Variants in KMT2B observed in about 807,000 individuals in gnomAD.
The protein encoded by KMT2B is histone-lysine N-methyltransferase 2B.
A neutral mutation model predicts 255.3 loss-of-function variants in KMT2B; 22 were observed. The observed-to-expected ratio is 0.09, with a 90% confidence interval of 0.06 to 0.12. The LOEUF (loss-of-function observed/expected upper bound fraction) is 0.12, where lower values mean the gene tolerates loss of function less well. Among genes scored for constraint, KMT2B ranks in the 10% least tolerant of loss-of-function variants. The probability of loss-of-function intolerance (pLI) is 1.00; values close to 1 mark genes in which losing one functional copy is unlikely to be tolerated. For synonymous variants in KMT2B, 1,730 were observed against 1,498.1 expected, an observed-to-expected ratio of 1.15 and a Z score of -3.57; for missense variants, 3,149 against 3,737.0, an observed-to-expected ratio of 0.84 and a Z score of 4.10.
In KMT2B at chr19:35,729,058, C is replaced by T. The variant is rs529292240; in HGVS notation, c.4761C>T (p.Tyr1587=). ...GTCAGTGTGCACTCTGCCTCAAATACGGGGATGCAGACTCCAAGGTGAGGG... is the reference window on the plus strand; with the variant it reads ...GTCAGTGTGCACTCTGCCTCAAATATGGGGATGCAGACTCCAAGGTGAGGG... ...DPRQCALCLK[Y]GDADSKEAGR... The change falls in exon 21 of 37, where the codon TAC becomes TAT. Residue 1587 remains tyrosine (Y), a synonymous_variant. Transcript: ENST00000420124. The T allele has an allele frequency of 3.7e-5, 60 of 1,614,010 alleles. No homozygotes were observed. Among genetic ancestry groups the T allele is most frequent in the African/African-American group, 3.2e-4 (24 of 75,042 alleles).
At chr19:35,730,256 A>C in intron 23 of KMT2B, 86 bp from the exon 24 acceptor site, 1 of 1,597,880 alleles carries the variant, frequency 6.3e-7, no homozygotes, top group South Asian at 1.1e-5. Context: ...AGAGGCCTTT[A>C]GGCCAAGCCC....
chr19:35,718,060 C>T lies in KMT2B; in HGVS notation c.42C>T (p.Gly14=), dbSNP rs1969021910. The change falls in exon 1 of 37, where the codon GGC becomes GGT. Residue 14 remains glycine (G), a synonymous_variant. Coordinates refer to ENST00000420124, the MANE Select transcript of KMT2B (RefSeq NM_014727.3). This position sits in a 1 kb window ranked among gnomAD's most constrained non-coding sequence, Gnocchi z 5.0. Reference sequence around the variant, plus strand: ...GCGGCGGCAGTTGCCCCGGGCCTGGCTCCGCGCGGGGCCGCTTCCCGGGCC... The same window carrying T: ...GCGGCGGCAGTTGCCCCGGGCCTGGTTCCGCGCGGGGCCGCTTCCCGGGCC... The part of the protein sequence containing the change: ...AAGGGSCPGP[G]SARGRFPGRP... 3 of 986,930 alleles carry T rather than the reference C, an allele frequency of 3.0e-6. No homozygotes were observed. The highest frequency in any genetic ancestry group is 3.5e-5 in the African/African-American group (2 of 56,758). 61.1% of individuals were successfully genotyped at this position (986,930 alleles called of 1,614,324 possible).
At position 35,729,843 on chromosome 19, in the gene KMT2B, CTGCG is replaced by C. The variant is rs1969621589; in HGVS notation, c.4918-123_4918-120del. 18 of 928,058 alleles carry C rather than the reference CTGCG, an allele frequency of 1.9e-5. No individual in the cohort carries two copies. In the East Asian group the frequency reaches 4.8e-4, roughly 25 times the overall value. The allele number at this position is 928,058 out of a possible 1,614,324, so 57.5% of individuals were successfully genotyped here. On this transcript the variant is annotated intron_variant, in intron 22 of 36. Coordinates refer to ENST00000420124, the MANE Select transcript of KMT2B (RefSeq NM_014727.3). ...GGGCCTGGATGCGGCTGGGGAGAGG[CTGCG>C]CCTAGGGAGAGCCTTTGCCGTGCCA...
Position 35,722,413 on chromosome 19 carries a change from G to A in KMT2B, c.2512G>A (p.Asp838Asn), listed in dbSNP as rs768038025. The part of the protein sequence containing the change: ...EVAGAVKQIS[D>N]RGPVRSEDES... ...GGCCGGGGCTGTCAAGCAGATCTCC[G>A]ACAGAGGCCCTGTCCGGTCTGAAGA... Residue 838 changes from aspartate (D) to asparagine (N), a missense_variant, in exon 4 of 37, where the codon GAC becomes AAC. Physicochemically the swap from Asp to Asn is conservative, Grantham distance 23. This residue lies in a region of KMT2B where 1,188 missense variants were observed against 1,106.4 expected (regional missense o/e 1.07). Coordinates refer to ENST00000420124, the MANE Select transcript of KMT2B (RefSeq NM_014727.3). The A allele has an allele frequency of 8.1e-6, 13 of 1,610,852 alleles. No homozygotes were observed. Among genetic ancestry groups the A allele is most frequent in the South Asian group, 4.4e-5 (4 of 91,052 alleles).
chr19:35,718,479 C>T lies in KMT2B; in HGVS notation c.363+98C>T. On this transcript the variant is annotated intron_variant, in intron 1 of 36. Coordinates refer to ENST00000420124, the MANE Select transcript of KMT2B (RefSeq NM_014727.3). This position sits in a 1 kb window ranked among gnomAD's most constrained non-coding sequence, Gnocchi z 5.0. ...GGGGGCGGCGTGGGCAGGCCGGGTC[C>T]TCAGGGTTCCTTCGGAGAGACGGGG... The T allele has an allele frequency of 1.7e-6, 2 of 1,175,766 alleles. No homozygotes were observed. Among genetic ancestry groups the T allele is most frequent in the Non-Finnish European group, 1.1e-6 (1 of 942,514 alleles). 72.8% of individuals were successfully genotyped at this position (1,175,766 alleles called of 1,614,324 possible). A position where few individuals can be genotyped will look rare whatever the true frequency, so the allele number is the denominator to read the frequency against.
At position 35,726,226 on chromosome 19, in the gene KMT2B, G is replaced by T. The variant is rs1969436361; in HGVS notation, c.3886-10G>T. 1.2e-6 allele frequency: 2 copies of T among 1,608,858 alleles called. No homozygotes were observed. The highest frequency in any genetic ancestry group is 1.7e-6 in the Non-Finnish European group (2 of 1,175,738). On this transcript the variant is annotated splice_polypyrimidine_tract_variant and intron_variant, in intron 13 of 36. Transcript: ENST00000420124. The stretch of plus-strand genomic sequence containing the variant: ...CCTGGTTTTCCCCTAACATCGCCCT[G>T]CTCCCCCAGATCTGTTCAGCCTGTG...
chr19:35,721,402 T>C lies in KMT2B; in HGVS notation c.2055T>C (p.Asp685=). The change falls in exon 3 of 37, where the codon GAT becomes GAC. Residue 685 remains aspartate (D), a synonymous_variant. Transcript: ENST00000420124. ...EAPEPEPPPA[D]DSPAEPEPRA... Reference sequence around the variant, plus strand: ...CTGAGCCAGAGCCTCCTCCTGCCGATGACTCTCCAGCTGAGCCTGAGCCTC... The same window carrying C: ...CTGAGCCAGAGCCTCCTCCTGCCGACGACTCTCCAGCTGAGCCTGAGCCTC... 1 of 1,610,426 alleles carries C rather than the reference T, an allele frequency of 6.2e-7. No homozygotes were observed. Among genetic ancestry groups the C allele is most frequent in the Non-Finnish European group, 8.5e-7 (1 of 1,178,964 alleles).
In KMT2B at chr19:35,718,428, G is replaced by A. The variant is rs748844486; in HGVS notation, c.363+47G>A. 4.1e-6 allele frequency: 5 copies of A among 1,227,272 alleles called. No homozygotes were observed. 76.0% of individuals were successfully genotyped at this position (1,227,272 alleles called of 1,614,324 possible). On this transcript the variant is annotated intron_variant, in intron 1 of 36. Coordinates refer to ENST00000420124, the MANE Select transcript of KMT2B (RefSeq NM_014727.3). The surrounding 1 kb of genome is among the most constrained non-coding windows in gnomAD (Gnocchi z 5.0). ...CCGGCGCCGGGTGGGGCGGAGGCCG[G>A]GGCTTCCAGGGGTCTGGGTTGTCCC...
At chr19:35,729,688 G>A (rs1343259421) in intron 22 of KMT2B, among the ~76,000 whole-genome samples, 5 of 152,118 alleles carry the variant, frequency 3.3e-5, no homozygotes, top group African/African-American at 9.7e-5. Flanking sequence ...TTCCCACTGC[G>A]GGGGTATCTG....
Position 35,733,894 on chromosome 19 carries a change from TC to T in KMT2B, c.7159+25del. The T allele has an allele frequency of 1.3e-6, 2 of 1,555,152 alleles. No homozygotes were observed. The highest frequency in any genetic ancestry group is 1.4e-5 in the African/African-American group (1 of 73,376). On this transcript the variant is annotated intron_variant, in intron 30 of 36. Coordinates refer to ENST00000420124, the MANE Select transcript of KMT2B (RefSeq NM_014727.3). The surrounding 1 kb of genome is among the most constrained non-coding windows in gnomAD (Gnocchi z 4.3). ...TCAGGTAGGGACCGGCCTTGCCCTC[TC>T]CCTCCTTGCCTGTGCCTGGCTCAGC...
chr19:35,722,604 C>T lies in KMT2B; in HGVS notation c.2608C>T (p.His870Tyr). The change falls in exon 5 of 37, where the codon CAT (histidine) becomes TAT (tyrosine). Residue 870 changes from histidine (H) to tyrosine (Y), a missense_variant. His to Tyr is a moderately conservative substitution (Grantham distance 83). This residue lies in a region of KMT2B where 132 missense variants were observed against 174.7 expected (regional missense o/e 0.76). Transcript: ENST00000420124. ...CCCTGTGCAAGGTCCCCGCATCAAACATGTCTGCCGTCATGCTGCTGTGGC... is the reference window on the plus strand; with the variant it reads ...CCCTGTGCAAGGTCCCCGCATCAAATATGTCTGCCGTCATGCTGCTGTGGC... ...ESPVQGPRIKHVCRHAAVALG... is the reference protein window; with the variant it reads ...ESPVQGPRIKYVCRHAAVALG... 6.2e-7 allele frequency: 1 copy of T among 1,611,588 alleles called. No homozygotes were observed. Among genetic ancestry groups the T allele is most frequent in the Non-Finnish European group, 8.5e-7 (1 of 1,179,104 alleles).
At position 35,723,086 on chromosome 19, in the gene KMT2B, C is replaced by T. The variant is rs1444441470; in HGVS notation, c.2814C>T (p.Pro938=). 1 of 1,613,218 alleles carries T rather than the reference C, an allele frequency of 6.2e-7. No individual in the cohort carries two copies. Among genetic ancestry groups the T allele is most frequent in the Non-Finnish European group, 8.5e-7 (1 of 1,179,814 alleles). ...CAGGCCCTGGGGGAGAATCAGAGCCCACAGGTTCTGGAGGGACCCTGGCCC... is the reference window on the plus strand; with the variant it reads ...CAGGCCCTGGGGGAGAATCAGAGCCTACAGGTTCTGGAGGGACCCTGGCCC... The part of the protein sequence containing the change: ...EAAGPGGESE[P]TGSGGTLAHT... The change falls in exon 6 of 37, where the codon CCC becomes CCT. Residue 938 remains proline (P), a synonymous_variant. Coordinates refer to ENST00000420124, the MANE Select transcript of KMT2B (RefSeq NM_014727.3). This position sits in a 1 kb window ranked among gnomAD's most constrained non-coding sequence, Gnocchi z 7.5.
intron 8 of KMT2B, 123 bp from the exon 9 acceptor site, chr19:35,724,512 AAG>A (rs1301031580): frequency 1.2e-6 from 1 of 803,694 alleles, no homozygotes; most frequent in Non-Finnish European, 2.0e-6. Context: ...AAACAAGAAA[AAG>A]AATCGTCCTG....
intron 3 of KMT2B, 70 bp downstream of exon 3, chr19:35,721,874 T>G: frequency 6.9e-7 from 1 of 1,454,152 alleles, no homozygotes; most frequent in Non-Finnish European, 9.0e-7. Context: ...CCCCCTAACC[T>G]TCCGCCTCCT....
intron 22 of KMT2B, 120 bp from the exon 23 acceptor site, chr19:35,729,847 G>A (rs1157100436): frequency 5.7e-5 from 56 of 977,760 alleles, no homozygotes; most frequent in East Asian, 1.1e-4. Context: ...GAGAGGCTGC[G>A]CCTAGGGAGA....
At chr19:35,721,841 C>A in intron 3 of KMT2B, 37 bp downstream of exon 3, 1 of 1,513,772 alleles carries the variant, frequency 6.6e-7, no homozygotes, top group Non-Finnish European at 8.8e-7. Context: ...CACACCCAGC[C>A]ATCCAGCCTC....
In KMT2B at chr19:35,724,630, TG is replaced by T. The variant is rs11348412; in HGVS notation, c.3335-6del. 2,957 of 1,586,562 alleles carry T rather than the reference TG, an allele frequency of 1.9e-3. 53 individuals carry two copies. In the African/African-American group the frequency reaches 0.034, roughly 18 times the overall value. On this transcript the variant is annotated splice_region_variant and splice_polypyrimidine_tract_variant and intron_variant, in intron 8 of 36. Coordinates refer to ENST00000420124, the MANE Select transcript of KMT2B (RefSeq NM_014727.3). ...AGTGACCTCACTGCTCATTGTGTCC[TG>T]CCTAGAGCTGCCACTGCCAGAACCT...
rs777732637 is a variant in KMT2B, at chr19:35,723,993, C to A, written c.3320C>A (p.Thr1107Asn). ...PGGPPAPRRR[T>N]PRENELPLPE... Reference sequence around the variant, plus strand: ...GGCCCCCCTGCTCCTCGGCGTCGGACCCCCCGAGAAAATGGTGCGAACTGC... The same window carrying A: ...GGCCCCCCTGCTCCTCGGCGTCGGAACCCCCGAGAAAATGGTGCGAACTGC... The change falls in exon 8 of 37, where the codon ACC becomes AAC. Residue 1107 changes from threonine (T) to asparagine (N), a missense_variant. Around this residue, in one of 18 missense-constraint regions of KMT2B, gnomAD observed 136 missense variants for 137.3 expected, o/e 0.99. Coordinates refer to ENST00000420124, the MANE Select transcript of KMT2B (RefSeq NM_014727.3). This position sits in a 1 kb window ranked among gnomAD's most constrained non-coding sequence, Gnocchi z 7.5. 6 of 1,587,822 alleles carry A rather than the reference C, an allele frequency of 3.8e-6. No individual in the cohort carries two copies. The Admixed American group carries it at 9.2e-5, about 24-fold the overall frequency.
chr19:35,718,178 A>G lies in KMT2B; in HGVS notation c.160A>G (p.Thr54Ala). Residue 54 changes from threonine to alanine, a missense_variant, in exon 1 of 37, where the codon ACG becomes GCG. Coordinates refer to ENST00000420124, the MANE Select transcript of KMT2B (RefSeq NM_014727.3). This position sits in a 1 kb window ranked among gnomAD's most constrained non-coding sequence, Gnocchi z 5.0. ...RVALRRGGGA[T>A]GPGGAEPGED... ...AGCTCTGCGGCGCGGCGGTGGCGCGACGGGGCCGGGCGGAGCCGAGCCCGG... is the reference window on the plus strand; with the variant it reads ...AGCTCTGCGGCGCGGCGGTGGCGCGGCGGGGCCGGGCGGAGCCGAGCCCGG... 2 of 1,106,608 alleles carry G rather than the reference A, an allele frequency of 1.8e-6. No individual in the cohort carries two copies. Among genetic ancestry groups the G allele is most frequent in the Non-Finnish European group, 2.2e-6 (2 of 908,826 alleles). 68.5% of individuals were successfully genotyped at this position (1,106,608 alleles called of 1,614,324 possible).
Sources: gnomAD v4.1 joint callset for allele counts (sites outside exome capture counted in the v4.1 genomes callset) on GRCh38, gnomAD v4.1.1 for gene constraint, gnomAD v4.1.1 regional missense constraint, Gnocchi (gnomAD v3.1) non-coding constraint, MANE v1.5 for transcripts, NCBI Gene and HGNC (gene_info 2026-07-23, HGNC 2026-07-21) for gene names.